Variants in STX18 observed in about 807,000 individuals in gnomAD.
The protein encoded by STX18 is syntaxin 18.
Under a neutral mutation model 50.1 loss-of-function variants are expected in STX18, and 40 were observed. The observed-to-expected ratio is 0.80, with a 90% confidence interval of 0.62 to 1.04. STX18 has a LOEUF of 1.04. STX18 is among the 50% of genes least tolerant of loss of function. The probability of loss-of-function intolerance (pLI) is 0.00; values close to 1 mark genes in which losing one functional copy is unlikely to be tolerated. For synonymous variants in STX18, 158 were observed against 151.8 expected (o/e 1.04, Z -0.30); for missense variants, 410 against 415.8 (o/e 0.99, Z 0.12).
At chr4:4,448,164 G>C (rs1726532228) in intron 5 of STX18, among the ~76,000 whole-genome samples, 1 of 152,110 alleles carries the variant, frequency 6.6e-6, no homozygotes, top group Non-Finnish European at 1.5e-5. Flanking sequence ...ACGCTGTCTT[G>C]GCTGTCAGGT....
At chr4:4,499,475 T>A in intron 1 of STX18, 2 of 984,966 alleles carry the variant, frequency 2.0e-6, no homozygotes, top group Non-Finnish European at 2.4e-6. Context: ...AAAACAGCAT[T>A]TCATATGCAC....
chr4:4,458,501 C>G (rs1055719715), intron 3 of STX18, among the ~76,000 whole-genome samples: 1 of 152,144 alleles, frequency 6.6e-6, no homozygotes, highest in African/African-American at 2.4e-5. Context: ...AAAACCTCCC[C>G]AACAAAAGTC....
At chr4:4,452,789 T>C (rs1205350142) in intron 5 of STX18, among the ~76,000 whole-genome samples, 1 of 152,224 alleles carries the variant, frequency 6.6e-6, no homozygotes, top group East Asian at 1.9e-4. Flanking sequence ...GAAAACCTTC[T>C]GAAAAGGTTT....
chr4:4,459,947 G>A (rs1327783528), intron 2 of STX18, among the ~76,000 whole-genome samples: 1 of 152,172 alleles, frequency 6.6e-6, no homozygotes, highest in Non-Finnish European at 1.5e-5. Context: ...CTTCTGGAAT[G>A]TTCTTTCCCC....
intron 1 of STX18, among the ~76,000 whole-genome samples, chr4:4,496,383 C>T (rs992590326): frequency 6.6e-6 from 1 of 152,160 alleles, no homozygotes; most frequent in Non-Finnish European, 1.5e-5. Flanking sequence ...ATCACTGTCT[C>T]CTGCTGAACC....
chr4:4,469,075 A>C (rs1487443098), intron 2 of STX18, among the ~76,000 whole-genome samples: 2 of 152,206 alleles, frequency 1.3e-5, no homozygotes, highest in African/African-American at 4.8e-5. Context: ...CTTGAGGAAA[A>C]GCCACTGGAT....
intron 7 of STX18, among the ~76,000 whole-genome samples, chr4:4,433,331 G>T (rs1725611111): frequency 6.6e-6 from 1 of 151,988 alleles, no homozygotes; most frequent in Non-Finnish European, 1.5e-5. Flanking sequence ...ACAACCTATA[G>T]CTTTTATGTT....
At chr4:4,535,080 C>A (rs1437575280) in intron 1 of STX18, among the ~76,000 whole-genome samples, 1 of 152,222 alleles carries the variant, frequency 6.6e-6, no homozygotes, top group East Asian at 1.9e-4. Context: ...TCACACCCAT[C>A]CCTTCTACCT....
At chr4:4,451,378 GT>G (rs1270077749) in intron 5 of STX18, among the ~76,000 whole-genome samples, 1 of 152,210 alleles carries the variant, frequency 6.6e-6, no homozygotes, top group Non-Finnish European at 1.5e-5. Context: ...AAAAGTAATT[GT>G]TTCAGATTTC....
At chr4:4,502,585 T>A (rs1313020802) in intron 1 of STX18, among the ~76,000 whole-genome samples, 1 of 151,872 alleles carries the variant, frequency 6.6e-6, no homozygotes, top group African/African-American at 2.4e-5. Context: ...GAAAAAAAAA[T>A]ATTGAGTTCT....
chr4:4,432,608 T>C (rs1330844836), intron 7 of STX18, among the ~76,000 whole-genome samples: 2 of 152,228 alleles, frequency 1.3e-5, no homozygotes, highest in African/African-American at 4.8e-5. Flanking sequence ...TTTTTGCCCA[T>C]CTCACAGATG....
intron 1 of STX18, among the ~76,000 whole-genome samples, chr4:4,536,371 A>G (rs1731330188): frequency 6.6e-6 from 1 of 152,246 alleles, no homozygotes; most frequent in Non-Finnish European, 1.5e-5. Flanking sequence ...TCATTTTCAG[A>G]AAACATATAT....
At chr4:4,451,848 G>T (rs1726768697) in intron 5 of STX18, among the ~76,000 whole-genome samples, 1 of 152,204 alleles carries the variant, frequency 6.6e-6, no homozygotes, top group Non-Finnish European at 1.5e-5. Context: ...TCAAGTGAAA[G>T]AAGAGTTGCG....
chr4:4,508,537 A>G (rs907509280), intron 1 of STX18, among the ~76,000 whole-genome samples: 3 of 152,098 alleles, frequency 2.0e-5, no homozygotes, highest in Non-Finnish European at 4.4e-5. Flanking sequence ...GTGTAACAAC[A>G]AACAATTTTT....
chr4:4,529,300 T>G (rs1046104151), intron 1 of STX18, among the ~76,000 whole-genome samples: 2 of 152,134 alleles, frequency 1.3e-5, no homozygotes, highest in African/African-American at 4.8e-5. Context: ...AGGCGGAGCT[T>G]GCAGTGAATC....
chr4:4,477,041 A>G (rs1728212774), intron 1 of STX18, among the ~76,000 whole-genome samples: 1 of 152,108 alleles, frequency 6.6e-6, no homozygotes, highest in Admixed American at 6.5e-5. Context: ...CTCTATTAAA[A>G]ATACAATTAA....
intron 1 of STX18, among the ~76,000 whole-genome samples, chr4:4,538,803 A>G (rs1731454645): frequency 6.6e-6 from 1 of 152,182 alleles, no homozygotes; most frequent in Admixed American, 6.5e-5. Context: ...TTCCAATCCC[A>G]TCATCCTCAC....
intron 1 of STX18, among the ~76,000 whole-genome samples, chr4:4,487,023 A>G (rs1439355492): frequency 6.6e-6 from 1 of 152,150 alleles, no homozygotes; most frequent in East Asian, 1.9e-4. Flanking sequence ...TATACACAAA[A>G]ACAAAAAACT....
At chr4:4,423,646 G>C (rs1286824749) in intron 8 of STX18, 59 bp from the exon 9 acceptor site, 1 of 1,516,318 alleles carries the variant, frequency 6.6e-7, no homozygotes, top group Admixed American at 1.7e-5. Flanking sequence ...TAACAGGACT[G>C]TTACACACTT....
Sources: gnomAD v4.1 joint callset for allele counts (sites outside exome capture counted in the v4.1 genomes callset) on GRCh38, gnomAD v4.1.1 for gene constraint, MANE v1.5 for transcripts, NCBI Gene and HGNC (gene_info 2026-07-23, HGNC 2026-07-21) for gene names.